The following CMSS1 variants were observed in gnomAD, a reference collection of about 807,000 sequenced individuals.
The protein encoded by CMSS1 is protein CMSS1.
In CMSS1, 33 loss-of-function variants were observed where a neutral mutation model predicts 43.5. The ratio of observed to expected loss-of-function variants is 0.76; its 90% CI spans 0.57 to 1.01. The LOEUF (loss-of-function observed/expected upper bound fraction) is 1.01, where lower values mean the gene tolerates loss of function less well. CMSS1 is among the 50% of genes least tolerant of loss of function. CMSS1 has a pLI of 0.00. For missense variants in CMSS1, 313 were observed against 326.4 expected (o/e 0.96, Z 0.32); for synonymous variants, 115 against 117.2 (o/e 0.98, Z 0.12).
At chr3:99,918,375 C>G (rs1012016215) in intron 1 of CMSS1, among the ~76,000 whole-genome samples, 2 of 152,202 alleles carry the variant, frequency 1.3e-5, no homozygotes, top group Admixed American at 6.5e-5. Flanking sequence ...CTGCCACTAT[C>G]TCTAAGCTCC....
intron 1 of CMSS1, among the ~76,000 whole-genome samples, chr3:99,997,590 G>A (rs1709720357): frequency 6.6e-6 from 1 of 152,132 alleles, no homozygotes; most frequent in Non-Finnish European, 1.5e-5. Context: ...TAGATGGTAG[G>A]GGCAGGGTGG....
intron 1 of CMSS1, among the ~76,000 whole-genome samples, chr3:99,907,375 A>G (rs1363787739): frequency 2.0e-5 from 3 of 151,792 alleles, no homozygotes; most frequent in Middle Eastern, 3.2e-3. Context: ...AGCCTCCCCA[A>G]CAGCTGGGAC....
At chr3:100,133,106 A>G (rs1037491892) in intron 1 of CMSS1, among the ~76,000 whole-genome samples, 3 of 152,264 alleles carry the variant, frequency 2.0e-5, no homozygotes, top group South Asian at 2.1e-4. Context: ...ACAGAAATAT[A>G]TAAATGTTAC....
At chr3:100,109,377 T>G in intron 1 of CMSS1, among the ~76,000 whole-genome samples, 1 of 152,166 alleles carries the variant, frequency 6.6e-6, no homozygotes, top group East Asian at 1.9e-4. Context: ...CGTACAATTC[T>G]GAAAATTTTG....
intron 1 of CMSS1, among the ~76,000 whole-genome samples, chr3:99,862,311 A>G (rs1156643914): frequency 2.6e-5 from 4 of 152,216 alleles, no homozygotes; most frequent in African/African-American, 9.6e-5. Flanking sequence ...GTCAGTCACA[A>G]TGAGCTGACC....
chr3:99,849,256 T>G, intron 1 of CMSS1: 1 of 1,614,200 alleles, frequency 6.2e-7, no homozygotes, highest in Non-Finnish European at 8.5e-7. Context: ...AGGTGGTTCA[T>G]TGTCTACTGC....
At chr3:100,016,764 G>A (rs1162787243) in intron 1 of CMSS1, among the ~76,000 whole-genome samples, 1 of 152,092 alleles carries the variant, frequency 6.6e-6, no homozygotes, top group Non-Finnish European at 1.5e-5. Context: ...TTAGATATGT[G>A]CAAAGTTGCT....
chr3:99,893,776 A>AT (rs1186367830), intron 1 of CMSS1, among the ~76,000 whole-genome samples: 2 of 152,172 alleles, frequency 1.3e-5, no homozygotes, highest in Non-Finnish European at 2.9e-5. Context: ...ATTGAGAATG[A>AT]TTTTTGTTTG....
At chr3:99,857,459 T>A (rs1944020812) in intron 1 of CMSS1, among the ~76,000 whole-genome samples, 1 of 152,230 alleles carries the variant, frequency 6.6e-6, no homozygotes, top group Non-Finnish European at 1.5e-5. Flanking sequence ...TTATCAACTC[T>A]GCTAACAAAG....
intron 1 of CMSS1, among the ~76,000 whole-genome samples, chr3:99,901,319 T>C (rs1270165225): frequency 6.6e-6 from 1 of 152,192 alleles, no homozygotes; most frequent in African/African-American, 2.4e-5. Flanking sequence ...GGAAAATTGA[T>C]ATTTATTTCT....
chr3:100,160,010 G>A (rs2067009278), intron 2 of CMSS1: 1 of 440,642 alleles, frequency 2.3e-6, no homozygotes, highest in African/African-American at 2.0e-5. Flanking sequence ...ACTTGGAAAT[G>A]TAGGCTCACA....
At chr3:99,919,489 G>GTGCTAC (rs1707057017) in intron 1 of CMSS1, among the ~76,000 whole-genome samples, 1 of 150,852 alleles carries the variant, frequency 6.6e-6, no homozygotes, top group East Asian at 1.9e-4. Flanking sequence ...TTTTGTTTCA[G>GTGCTAC]TTAATGAATG....
At position 100,136,081 on chromosome 3, in the gene CMSS1, C is replaced by T. The variant is rs147360323; in HGVS notation, c.65-10892C>T. 5.3e-3 allele frequency among the ~76,000 whole-genome samples: 801 copies of T among 152,308 alleles called. 4 individuals are homozygous for T. The highest frequency in any genetic ancestry group is 0.019 in the African/African-American group (778 of 41,562). On this transcript the variant is annotated intron_variant, in intron 1 of 9. Transcript: ENST00000421999. ...AAGGAGAAAAAGGATCACCCACTCTCCTTTCCAGTTCAGAATGACAAGAAA... is the reference window on the plus strand; with the variant it reads ...AAGGAGAAAAAGGATCACCCACTCTTCTTTCCAGTTCAGAATGACAAGAAA...
chr3:99,924,849 A>G (rs704583), intron 1 of CMSS1, among the ~76,000 whole-genome samples: 40,316 of 152,012 alleles, frequency 0.27, 6,053 homozygotes, highest in Admixed American at 0.34. Flanking sequence ...CTCCTTGTTT[A>G]GTGTTTATTC....
chr3:99,922,037 CA>C (rs1707141325), intron 1 of CMSS1, among the ~76,000 whole-genome samples: 1 of 152,208 alleles, frequency 6.6e-6, no homozygotes. Context: ...AACTCTCCTC[CA>C]ATAGCCCTTC....
At chr3:99,903,799 T>C (rs1244557451) in intron 1 of CMSS1, among the ~76,000 whole-genome samples, 1 of 152,158 alleles carries the variant, frequency 6.6e-6, no homozygotes, top group Non-Finnish European at 1.5e-5. Flanking sequence ...ACTAAGATGC[T>C]TCATATAGAA....
At chr3:99,852,734 G>A (rs1219779626) in intron 1 of CMSS1, among the ~76,000 whole-genome samples, 5 of 152,110 alleles carry the variant, frequency 3.3e-5, no homozygotes, top group South Asian at 4.1e-4. Context: ...GTGAGCCACC[G>A]TGCCGGCTGA....
At chr3:100,117,822 G>A (rs1482596221) in intron 1 of CMSS1, among the ~76,000 whole-genome samples, 2 of 94,144 alleles carry the variant, frequency 2.1e-5, no homozygotes, top group Admixed American at 1.2e-4. Flanking sequence ...TAGATAAACT[G>A]CAGTATATAT....
chr3:99,971,069 G>A (rs1708800271), intron 1 of CMSS1, among the ~76,000 whole-genome samples: 1 of 152,182 alleles, frequency 6.6e-6, no homozygotes, highest in African/African-American at 2.4e-5. Context: ...TGGGCGTGGT[G>A]GCTCACGCCT....
Sources: gnomAD v4.1 joint callset for allele counts (sites outside exome capture counted in the v4.1 genomes callset) on GRCh38, gnomAD v4.1.1 for gene constraint, MANE v1.5 for transcripts, NCBI Gene and HGNC (gene_info 2026-07-23, HGNC 2026-07-21) for gene names.